GRM8: variants seen among roughly 807,000 people sequenced by gnomAD.
The protein encoded by GRM8 is glutamate metabotropic receptor 8.
A neutral mutation model predicts 87.2 loss-of-function variants in GRM8; 47 were observed. The ratio of observed to expected loss-of-function variants is 0.54; its 90% CI spans 0.43 to 0.69. GRM8 has a LOEUF of 0.69. Among genes scored for constraint, GRM8 ranks in the 30% least tolerant of loss-of-function variants. GRM8 has a pLI of 0.00. For synonymous variants in GRM8, 396 were observed against 404.5 expected, an observed-to-expected ratio of 0.98 and a Z score of 0.25; for missense variants, 1,019 against 1,139.2, an observed-to-expected ratio of 0.89 and a Z score of 1.52.
chr7:127,125,526 T>C (rs911073104), intron 2 of GRM8, among the ~76,000 whole-genome samples: 2 of 151,752 alleles, frequency 1.3e-5, no homozygotes, highest in Non-Finnish European at 2.9e-5. Context: ...GAAGAAAATC[T>C]AGGGAAATCT....
rs548015129 is a variant in GRM8, at chr7:127,187,656, TGCATGATTTTTGG to T, written c.510+55026_510+55038del. On this transcript the variant is annotated intron_variant, in intron 2 of 10. Coordinates refer to ENST00000339582, the MANE Select transcript of GRM8 (RefSeq NM_000845.3). Reference sequence around the variant, plus strand: ...AATCACTAACTCCTGGCTCTTTCTCTGCATGATTTTTGGGCATGTCCCTCCATCACGGCCTCTG... The same window carrying T: ...AATCACTAACTCCTGGCTCTTTCTCTGCATGTCCCTCCATCACGGCCTCTG... 1.2e-3 allele frequency among the ~76,000 whole-genome samples: 178 copies of T among 152,304 alleles called. 1 individual carries two copies. Among genetic ancestry groups the T allele is most frequent in the African/African-American group, 4.3e-3 (177 of 41,572 alleles).
At chr7:126,520,241 GT>G (rs1812781116) in intron 9 of GRM8, among the ~76,000 whole-genome samples, 1 of 152,050 alleles carries the variant, frequency 6.6e-6, no homozygotes, top group Non-Finnish European at 1.5e-5. Context: ...TAAAAAGAAG[GT>G]TTTATTATTC....
chr7:127,135,617 CAAAAAAAAAAA>C (rs1168682673), intron 2 of GRM8, among the ~76,000 whole-genome samples: 3 of 36,854 alleles, frequency 8.1e-5, no homozygotes, highest in Admixed American at 6.6e-4. Flanking sequence ...GACTCCGTCT[CAAAAAAAAAAA>C]AAAAAAAAAA....
chr7:127,097,692 A>G (rs4141410), intron 3 of GRM8, among the ~76,000 whole-genome samples: 68,357 of 151,976 alleles, frequency 0.45, 16,950 homozygotes, highest in African/African-American at 0.67. Flanking sequence ...TATATCATTG[A>G]ATTATTACTG....
At chr7:126,914,018 C>T (rs974934217) in intron 3 of GRM8, among the ~76,000 whole-genome samples, 7 of 152,096 alleles carry the variant, frequency 4.6e-5, no homozygotes, top group Non-Finnish European at 8.8e-5. Flanking sequence ...CTTAAAGGGA[C>T]TCTGAAAAGC....
chr7:126,641,369 A>G (rs1161221088), intron 7 of GRM8, among the ~76,000 whole-genome samples: 1 of 152,218 alleles, frequency 6.6e-6, no homozygotes, highest in African/African-American at 2.4e-5. Flanking sequence ...CAATAAAAAG[A>G]AACTCACTAT....
At chr7:126,568,164 C>G (rs1178837008) in intron 8 of GRM8, among the ~76,000 whole-genome samples, 4 of 152,064 alleles carry the variant, frequency 2.6e-5, no homozygotes, top group Non-Finnish European at 4.4e-5. Flanking sequence ...AAAAACAGAA[C>G]AGAGATAATG....
chr7:126,752,295 G>A (rs1816512054), intron 7 of GRM8, among the ~76,000 whole-genome samples: 1 of 151,688 alleles, frequency 6.6e-6, no homozygotes, highest in African/African-American at 2.4e-5. Flanking sequence ...AACAAAGCAA[G>A]ACCAAGTCTC....
intron 3 of GRM8, among the ~76,000 whole-genome samples, chr7:126,936,977 G>T (rs778001594): frequency 3.9e-5 from 6 of 152,146 alleles, no homozygotes; most frequent in Non-Finnish European, 7.3e-5. Flanking sequence ...AGTGGGTATT[G>T]CCATAACAAT....
At chr7:126,810,293 A>T (rs758874581) in intron 6 of GRM8, among the ~76,000 whole-genome samples, 11 of 152,166 alleles carry the variant, frequency 7.2e-5, no homozygotes, top group Non-Finnish European at 1.6e-4. Context: ...AGGCTCTTTA[A>T]GAGCCTCACC....
At chr7:127,106,420 A>T in intron 3 of GRM8, 76 bp downstream of exon 3, 1 of 1,142,390 alleles carries the variant, frequency 8.8e-7, no homozygotes, top group Non-Finnish European at 1.3e-6. Context: ...CCTACAGATA[A>T]GAGAGCACTT....
At chr7:127,098,523 C>T (rs954234953) in intron 3 of GRM8, among the ~76,000 whole-genome samples, 1 of 152,032 alleles carries the variant, frequency 6.6e-6, no homozygotes, top group Non-Finnish European at 1.5e-5. Flanking sequence ...TCAGTGAACA[C>T]GTTTCAATTG....
chr7:127,229,239 A>G (rs1797531693), intron 2 of GRM8: 1 of 152,222 alleles, frequency 6.6e-6, no homozygotes, highest in Non-Finnish European at 1.5e-5. Flanking sequence ...CCACATGCAG[A>G]CCCTTGGCCC....
At chr7:127,112,741 T>C (rs1826450113) in intron 2 of GRM8, among the ~76,000 whole-genome samples, 1 of 152,208 alleles carries the variant, frequency 6.6e-6, no homozygotes, top group Admixed American at 6.5e-5. Flanking sequence ...GCCGCTTCAG[T>C]TGTAGCCTGT....
intron 3 of GRM8, among the ~76,000 whole-genome samples, chr7:126,982,058 C>T (rs893650702): frequency 1.3e-5 from 2 of 152,108 alleles, no homozygotes; most frequent in African/African-American, 4.8e-5. Flanking sequence ...CAAGGTCCCA[C>T]AATAGGCTGT....
In GRM8 at chr7:126,438,959, G is replaced by T; in HGVS notation, c.*160C>A. ...CGGGTTTCTTCACTCCCCGTTTATT[G>T]ATACTTTTGGCTCATGGCTAATTTT... On this transcript the variant is annotated 3_prime_UTR_variant, in exon 11 of 11. Transcript: ENST00000339582. The T allele has an allele frequency of 1.7e-6, 1 of 595,566 alleles. No homozygotes were observed. The highest frequency in any genetic ancestry group is 3.0e-6 in the Non-Finnish European group (1 of 330,110). 36.9% of individuals were successfully genotyped at this position (595,566 alleles called of 1,614,324 possible).
chr7:126,840,164 C>A (rs765621168), intron 6 of GRM8, among the ~76,000 whole-genome samples: 77 of 152,188 alleles, frequency 5.1e-4, no homozygotes, highest in Non-Finnish European at 6.3e-4. Flanking sequence ...CAAATTGCAT[C>A]TGATCTTGAA....
intron 3 of GRM8, among the ~76,000 whole-genome samples, chr7:127,093,973 T>C (rs1401975282): frequency 6.6e-6 from 1 of 152,250 alleles, no homozygotes; most frequent in East Asian, 1.9e-4. Flanking sequence ...GATTTTATTA[T>C]ATTATGAAGC....
chr7:126,952,413 A>G (rs1434640667), intron 3 of GRM8, among the ~76,000 whole-genome samples: 3 of 152,050 alleles, frequency 2.0e-5, no homozygotes, highest in African/African-American at 7.2e-5. Flanking sequence ...AAACACCATA[A>G]TAACAATTGT....
Sources: allele counts gnomAD v4.1 joint callset (sites outside exome capture counted in the v4.1 genomes callset), GRCh38; gene constraint gnomAD v4.1.1; transcripts MANE v1.5; gene names NCBI Gene and HGNC (gene_info 2026-07-23, HGNC 2026-07-21).